ADD3: variants seen among roughly 807,000 people sequenced by gnomAD.
ADD3 encodes the protein gamma-adducin.
ADD3 carries 25 observed loss-of-function variants against 80.2 expected under a neutral mutation model. The observed-to-expected ratio is 0.31, with a 90% CI of 0.23 to 0.44. The LOEUF is 0.44. ADD3 is among the 20% of genes least tolerant of loss of function. The pLI is 1.00. For synonymous variants in ADD3, 284 were observed against 289.6 expected, an observed-to-expected ratio of 0.98 and a Z score of 0.20; for missense variants, 829 against 847.5, an observed-to-expected ratio of 0.98 and a Z score of 0.27.
chr10:110,050,161 A>G (rs1260285068), intron 1 of ADD3, among the ~76,000 whole-genome samples: 2 of 152,186 alleles, frequency 1.3e-5, no homozygotes, highest in African/African-American at 2.4e-5. Context: ...TTGGAAAGTC[A>G]TGATTGGTTT....
chr10:110,064,934 TGTA>T (rs1188617108), intron 1 of ADD3, among the ~76,000 whole-genome samples: 1 of 152,190 alleles, frequency 6.6e-6, no homozygotes, highest in Non-Finnish European at 1.5e-5. Context: ...GGCACGCACC[TGTA>T]GTCCTAGCTA....
At chr10:110,098,744 C>G (rs191320380) in intron 1 of ADD3, among the ~76,000 whole-genome samples, 1 of 152,070 alleles carries the variant, frequency 6.6e-6, no homozygotes, top group East Asian at 1.9e-4. Flanking sequence ...ATTTTCCTGC[C>G]TCAGCCTCCC....
At chr10:110,101,635 T>TAAAA (rs201966150) in intron 2 of ADD3, among the ~76,000 whole-genome samples, 9 of 102,720 alleles carry the variant, frequency 8.8e-5, no homozygotes, top group African/African-American at 2.9e-4. Context: ...AGACCTTACC[T>TAAAA]AAAAAAAAAA....
intron 1 of ADD3, among the ~76,000 whole-genome samples, chr10:110,013,523 T>A (rs1000341017): frequency 2.0e-5 from 3 of 152,178 alleles, no homozygotes; most frequent in Non-Finnish European, 2.9e-5. Flanking sequence ...TCTGAGAAAT[T>A]TAAGGACAGT....
rs576411077 is a variant in ADD3, at chr10:110,032,431, G to A, written c.-30+24132G>A. ...AGTGGTGGTGACTTTGGAAAGATAA[G>A]GAGAGAAAAGGAAGGACAAAAAAGG... On this transcript the variant is annotated intron_variant, in intron 1 of 14. Coordinates refer to ENST00000356080, the MANE Select transcript of ADD3 (RefSeq NM_016824.5). Among the ~76,000 whole-genome samples, 22 of 152,240 alleles carry A rather than the reference G, an allele frequency of 1.4e-4. 1 individual carries two copies. The South Asian group carries it at 3.9e-3, about 27-fold the overall frequency.
At chr10:110,014,603 C>A (rs376510022) in intron 1 of ADD3, among the ~76,000 whole-genome samples, 1 of 151,360 alleles carries the variant, frequency 6.6e-6, no homozygotes, top group African/African-American at 2.4e-5. Context: ...CTCAGCTCAC[C>A]GCAACATCTA....
At chr10:110,062,258 GT>G (rs1859015616) in intron 1 of ADD3, among the ~76,000 whole-genome samples, 1 of 144,312 alleles carries the variant, frequency 6.9e-6, no homozygotes, top group South Asian at 2.2e-4. Context: ...GCTGGGCATG[GT>G]GGCACATGCT....
At chr10:110,086,078 C>G (rs755805766) in intron 1 of ADD3, among the ~76,000 whole-genome samples, 1 of 151,506 alleles carries the variant, frequency 6.6e-6, no homozygotes, top group Non-Finnish European at 1.5e-5. Flanking sequence ...GCACTCCAGC[C>G]TGGGTGACAA....
intron 1 of ADD3, among the ~76,000 whole-genome samples, chr10:110,057,284 A>G (rs112344616): frequency 0.025 from 3,763 of 152,278 alleles, 100 homozygotes; most frequent in South Asian, 0.13. Context: ...AATTTTTCCT[A>G]GTAGTTCTGG....
rs1206723491 is a variant in ADD3 at position 110,122,126 on chromosome 10, G to T, written c.977G>T (p.Gly326Val). Residue 326 changes from glycine to valine, a missense_variant, in exon 9 of 15, where the codon GGT becomes GTT. Transcript: ENST00000356080. ...ACEIQVQALAGAGGVDNLHVL... is the reference protein window; with the variant it reads ...ACEIQVQALAVAGGVDNLHVL... ...TGATTACAGGTGCAGGCCCTAGCAG[G>T]TGCAGGTGGAGTAGACAATCTCCAT... is the stretch of plus-strand genomic sequence containing the variant. The T allele has an allele frequency of 3.1e-6, 5 of 1,613,360 alleles. No homozygotes were observed. The highest frequency in any genetic ancestry group is 2.5e-6 in the Non-Finnish European group (3 of 1,179,604).
intron 1 of ADD3, among the ~76,000 whole-genome samples, chr10:110,042,773 C>T (rs1245773814): frequency 2.0e-5 from 3 of 149,602 alleles, no homozygotes; most frequent in Admixed American, 6.7e-5. Context: ...ATAAGTACTG[C>T]TTCAATTTCT....
chr10:110,058,705 G>A (rs1858510325), intron 1 of ADD3, among the ~76,000 whole-genome samples: 2 of 152,152 alleles, frequency 1.3e-5, no homozygotes, highest in Admixed American at 6.5e-5. Context: ...ACCATTTGAG[G>A]ATATCACTAT....
intron 1 of ADD3, among the ~76,000 whole-genome samples, chr10:110,028,027 G>A (rs369224868): frequency 1.3e-5 from 2 of 152,128 alleles, no homozygotes; most frequent in African/African-American, 4.8e-5. Flanking sequence ...GAACAAGTTA[G>A]CTACCTTCTC....
intron 1 of ADD3, among the ~76,000 whole-genome samples, chr10:110,024,252 T>C (rs1854020992): frequency 6.6e-6 from 1 of 152,238 alleles, no homozygotes; most frequent in African/African-American, 2.4e-5. Context: ...GTATTGCATG[T>C]TGTCATTACA....
chr10:110,002,333 G>A (rs1851502318), upstream of ADD3, among the ~76,000 whole-genome samples: 1 of 152,048 alleles, frequency 6.6e-6, no homozygotes, highest in Non-Finnish European at 1.5e-5. Flanking sequence ...GAGTGCAGTG[G>A]CACAATCTTG....
At chr10:109,996,430 T>C (rs1197546954) in exon 1 of ADD3, 3 of 152,242 alleles carry the variant, frequency 2.0e-5, no homozygotes, top group Admixed American at 6.5e-5. Flanking sequence ...CAGAAGATAC[T>C]GTGCATAAGA....
intron 1 of ADD3, among the ~76,000 whole-genome samples, chr10:110,073,519 T>C (rs1012828874): frequency 2.6e-5 from 4 of 152,220 alleles, no homozygotes; most frequent in Non-Finnish European, 5.9e-5. Context: ...GGAATAAGTA[T>C]GTAAAGTGCA....
intron 1 of ADD3, among the ~76,000 whole-genome samples, chr10:110,037,994 G>A (rs1347389562): frequency 5.3e-5 from 8 of 151,014 alleles, no homozygotes; most frequent in Admixed American, 3.3e-4. Flanking sequence ...GCTTGAACCC[G>A]GGAGGTGGAG....
intron 1 of ADD3, among the ~76,000 whole-genome samples, chr10:110,095,185 A>G (rs376940494): frequency 1.9e-4 from 29 of 152,366 alleles, no homozygotes; most frequent in African/African-American, 6.7e-4. Context: ...CAAGGTGGTC[A>G]GTAGCTTCTC....
Sources: allele counts gnomAD v4.1 joint callset (sites outside exome capture counted in the v4.1 genomes callset), GRCh38; gene constraint gnomAD v4.1.1; transcripts MANE v1.5; gene names NCBI Gene and HGNC (gene_info 2026-07-23, HGNC 2026-07-21).